WWOX: variants seen among roughly 807,000 people sequenced by gnomAD.
WWOX encodes the protein WW domain containing oxidoreductase, also known as WW domain-containing oxidoreductase.
WWOX carries 69 observed loss-of-function variants against 46.2 expected under a neutral mutation model. The ratio of observed to expected loss-of-function variants is 1.49; its 90% CI spans 1.23 to 1.82. The LOEUF is 1.82. Ranked by LOEUF, WWOX falls within the 40% of genes most tolerant of loss-of-function variation. The probability of loss-of-function intolerance (pLI) is 0.00; values close to 1 mark genes in which losing one functional copy is unlikely to be tolerated. For synonymous variants in WWOX, 359 were observed against 202.6 expected, an observed-to-expected ratio of 1.77 and a Z score of -6.56; for missense variants, 919 against 542.6, an observed-to-expected ratio of 1.69 and a Z score of -6.89.
In WWOX at chr16:78,530,970, A is replaced by G. The variant is rs1290937694; in HGVS notation, c.1056+98218A>G. On this transcript the variant is annotated intron_variant, in intron 8 of 8. Transcript: ENST00000566780. The stretch of plus-strand genomic sequence containing the variant: ...GGATGAAAAAAGTTAGGCTCTGAGA[A>G]TTGATATTACTCTGCAAATATGGAA... Among the ~76,000 whole-genome samples, 5 of 152,226 alleles carry G rather than the reference A, an allele frequency of 3.3e-5. No homozygotes were observed. In the East Asian group the frequency reaches 5.8e-4, roughly 18 times the overall value.
intron 5 of WWOX, chr16:78,355,656 A>G (rs1379392061): frequency 2.9e-6 from 2 of 687,276 alleles, no homozygotes; most frequent in Non-Finnish European, 5.1e-6. Context: ...GGCAGATTAC[A>G]TACTTATGAT....
At chr16:78,598,771 G>A (rs1437735140) in intron 8 of WWOX, among the ~76,000 whole-genome samples, 1 of 152,134 alleles carries the variant, frequency 6.6e-6, no homozygotes, top group East Asian at 1.9e-4. Flanking sequence ...TTTTGTCTGG[G>A]GCAGCCCCTG....
rs2081046920 is a variant in WWOX at position 78,343,378 on chromosome 16, C to T, written c.517-43482C>T. 1.6e-5 allele frequency among the ~76,000 whole-genome samples: 2 copies of T among 121,234 alleles called. 1 individual carries two copies. The highest frequency in any genetic ancestry group is 3.9e-5 in the Non-Finnish European group (2 of 50,738). The allele number at this position is 121,234 out of a possible 152,430, so 79.5% of individuals were successfully genotyped here. ...TCAGTGCACAGGTCCTCATTTTTCT[C>T]ATGCTTCCATTTCCATATTCTCAAT... On this transcript the variant is annotated intron_variant, in intron 5 of 8. Coordinates refer to ENST00000566780, the MANE Select transcript of WWOX (RefSeq NM_016373.4).
intron 8 of WWOX, among the ~76,000 whole-genome samples, chr16:78,634,027 C>T (rs977485638): frequency 6.6e-6 from 1 of 151,996 alleles, no homozygotes. Flanking sequence ...CAACTGACAG[C>T]CAGCTGTGGG....
rs368664550 is a variant in WWOX, at chr16:78,108,419, A to G, written c.108-4A>G. On this transcript the variant is annotated splice_region_variant and splice_polypyrimidine_tract_variant and intron_variant, in intron 1 of 8. Coordinates refer to ENST00000566780, the MANE Select transcript of WWOX (RefSeq NM_016373.4). ...ATTACTGTGGATTTTTTGTTTTTTA[A>G]CAGTCACACCGAGGAGAAGACTCAG... The G allele has an allele frequency of 1.9e-6, 3 of 1,612,590 alleles. No homozygotes were observed. Among genetic ancestry groups the G allele is most frequent in the Non-Finnish European group, 1.7e-6 (2 of 1,179,544 alleles).
At chr16:78,899,025 T>G (rs879358238) in intron 8 of WWOX, 2 of 152,156 alleles carry the variant, frequency 1.3e-5, no homozygotes, top group Admixed American at 1.3e-4. Flanking sequence ...TCTGTAGAAT[T>G]CTCTACATCT....
intron 8 of WWOX, among the ~76,000 whole-genome samples, chr16:79,097,009 T>G (rs375300642): frequency 6.6e-6 from 1 of 152,058 alleles, no homozygotes; most frequent in East Asian, 1.9e-4. Context: ...TTTTGCAACT[T>G]TCTGTGGCAT....
chr16:78,107,275 C>T lies in WWOX; in HGVS notation c.108-1148C>T, dbSNP rs144033030. On this transcript the variant is annotated intron_variant, in intron 1 of 8. Transcript: ENST00000566780. Reference sequence around the variant, plus strand: ...TATGTTTTCCTGGATACCTTATTACCTGGTGACACGTGTTTCTAGTTATTG... The same window carrying T: ...TATGTTTTCCTGGATACCTTATTACTTGGTGACACGTGTTTCTAGTTATTG... Among the ~76,000 whole-genome samples, 434 of 152,246 alleles carry T rather than the reference C, an allele frequency of 2.9e-3. 3 individuals are homozygous for T. Among genetic ancestry groups the T allele is most frequent in the African/African-American group, 9.9e-3 (411 of 41,536 alleles).
intron 8 of WWOX, among the ~76,000 whole-genome samples, chr16:78,677,877 C>G (rs1434764203): frequency 6.6e-6 from 1 of 152,184 alleles, no homozygotes; most frequent in Non-Finnish European, 1.5e-5. Context: ...GTACAATTTC[C>G]TGCCTCCAAA....
chr16:79,090,471 C>T (rs1287361067), intron 8 of WWOX, among the ~76,000 whole-genome samples: 2 of 152,112 alleles, frequency 1.3e-5, no homozygotes, highest in African/African-American at 4.8e-5. Context: ...AAATCCCTGC[C>T]CTCAGGGAGC....
At chr16:78,694,880 T>G (rs1273239795) in intron 8 of WWOX, among the ~76,000 whole-genome samples, 1 of 152,166 alleles carries the variant, frequency 6.6e-6, no homozygotes, top group Non-Finnish European at 1.5e-5. Flanking sequence ...TCCTGCACTT[T>G]CTAAATGGCC....
intron 8 of WWOX, chr16:78,780,315 C>T (rs570959505): frequency 1.3e-5 from 2 of 152,176 alleles, no homozygotes; most frequent in East Asian, 3.9e-4. Flanking sequence ...GGTACATTCA[C>T]TCACTCATGA....
intron 8 of WWOX, among the ~76,000 whole-genome samples, chr16:78,882,007 T>C (rs996502987): frequency 1.3e-5 from 2 of 152,066 alleles, no homozygotes; most frequent in Non-Finnish European, 2.9e-5. Context: ...ATGCCTGTAA[T>C]CCCAGCTACT....
At chr16:79,019,043 G>T (rs191577782) in intron 8 of WWOX, among the ~76,000 whole-genome samples, 10 of 150,420 alleles carry the variant, frequency 6.6e-5, no homozygotes, top group Non-Finnish European at 1.2e-4. Flanking sequence ...TGTAGTTTCA[G>T]CTATTCCGGA....
intron 8 of WWOX, among the ~76,000 whole-genome samples, chr16:79,122,013 T>C (rs1028446631): frequency 6.6e-6 from 1 of 152,020 alleles, no homozygotes; most frequent in Non-Finnish European, 1.5e-5. Flanking sequence ...AAATACCAAG[T>C]TAAGAGCATT....
intron 5 of WWOX, among the ~76,000 whole-genome samples, chr16:78,332,769 A>G (rs2080791477): frequency 6.6e-6 from 1 of 152,064 alleles, no homozygotes; most frequent in South Asian, 2.1e-4. Flanking sequence ...TTAAGTGTGC[A>G]TTCAGAACTT....
At chr16:78,518,260 C>G (rs1243828114) in intron 8 of WWOX, among the ~76,000 whole-genome samples, 2 of 152,048 alleles carry the variant, frequency 1.3e-5, no homozygotes, top group Non-Finnish European at 2.9e-5. Context: ...GAGATGGAGT[C>G]TTGCTCTGTC....
At chr16:78,540,295 A>G (rs2043860944) in intron 8 of WWOX, among the ~76,000 whole-genome samples, 2 of 151,566 alleles carry the variant, frequency 1.3e-5, no homozygotes, top group South Asian at 2.1e-4. Context: ...TTAATTGTGC[A>G]GGGTTATCAT....
intron 8 of WWOX, among the ~76,000 whole-genome samples, chr16:78,530,485 C>G (rs1007548611): frequency 4.6e-5 from 7 of 152,208 alleles, no homozygotes; most frequent in African/African-American, 1.7e-4. Context: ...CTTCTGAAGT[C>G]CAGCCGCTTC....
Sources: gnomAD v4.1 joint callset for allele counts (sites outside exome capture counted in the v4.1 genomes callset) on GRCh38, gnomAD v4.1.1 for gene constraint, MANE v1.5 for transcripts, NCBI Gene and HGNC (gene_info 2026-07-23, HGNC 2026-07-21) for gene names.